Variants in MYO3A observed in about 807,000 individuals in gnomAD.
MYO3A encodes myosin-IIIa.
MYO3A carries 180 observed loss-of-function variants against 192.7 expected under a neutral mutation model. The ratio of observed to expected loss-of-function variants is 0.93; its 90% CI spans 0.83 to 1.06. The LOEUF is 1.06. MYO3A is among the 50% of genes least tolerant of loss of function. MYO3A has a pLI of 0.00. For missense variants in MYO3A, 1,896 were observed against 1,905.0 expected, an observed-to-expected ratio of 1.00 and a Z score of 0.09; for synonymous variants, 628 against 645.3, an observed-to-expected ratio of 0.97 and a Z score of 0.41.
At chr10:26,084,691 A>G (rs72793218) in intron 14 of MYO3A, among the ~76,000 whole-genome samples, 15,664 of 152,116 alleles carry the variant, frequency 0.1, 872 homozygotes, top group Non-Finnish European at 0.12. Flanking sequence ...CGTTGTACAG[A>G]TGAGGTCTCA....
At chr10:26,202,601 G>A (rs1843725119) in intron 33 of MYO3A, 1 of 268,328 alleles carries the variant, frequency 3.7e-6, no homozygotes, top group Non-Finnish European at 7.2e-6. Context: ...GTACACAAAG[G>A]TGAGCTTTTC....
intron 7 of MYO3A, among the ~76,000 whole-genome samples, chr10:26,018,379 C>G (rs1842095398): frequency 6.6e-6 from 1 of 151,916 alleles, no homozygotes; most frequent in African/African-American, 2.4e-5. Context: ...TCTAGTTAAT[C>G]AAGATATTCC....
At chr10:26,049,308 A>G (rs1023438948) in intron 10 of MYO3A, among the ~76,000 whole-genome samples, 1 of 152,212 alleles carries the variant, frequency 6.6e-6, no homozygotes, top group Non-Finnish European at 1.5e-5. Context: ...TTAACCAGGC[A>G]GTCCTAGCCA....
chr10:26,046,106 T>C (rs1034611379), intron 10 of MYO3A, among the ~76,000 whole-genome samples: 1 of 152,126 alleles, frequency 6.6e-6, no homozygotes, highest in South Asian at 2.1e-4. Context: ...AGCAACTTAA[T>C]CAAACCCAAG....
At chr10:25,954,756 G>A in intron 3 of MYO3A, 118 bp from the exon 4 acceptor site, 6 of 1,107,964 alleles carry the variant, frequency 5.4e-6, no homozygotes, top group Non-Finnish European at 8.1e-6. Flanking sequence ...ACTAAGCACA[G>A]TAAAAACTAT....
intron 17 of MYO3A, among the ~76,000 whole-genome samples, chr10:26,108,893 G>A (rs1287993622): frequency 6.6e-6 from 1 of 152,128 alleles, no homozygotes. Context: ...TTTTATTTTG[G>A]TTGGAAACTA....
chr10:26,202,278 TA>T (rs1330812568), intron 33 of MYO3A, among the ~76,000 whole-genome samples: 1 of 152,216 alleles, frequency 6.6e-6, no homozygotes, highest in East Asian at 1.9e-4. Flanking sequence ...TTAGTATCTG[TA>T]ATTTGAAAAG....
intron 34 of MYO3A, among the ~76,000 whole-genome samples, chr10:26,210,162 G>A (rs903999172): frequency 6.6e-6 from 1 of 151,306 alleles, no homozygotes; most frequent in Non-Finnish European, 1.5e-5. Context: ...AAGGAAGGAA[G>A]GAAGGGAGGG....
chr10:26,028,484 C>T (rs1842661579), intron 10 of MYO3A, among the ~76,000 whole-genome samples: 1 of 152,302 alleles, frequency 6.6e-6, no homozygotes, highest in East Asian at 1.9e-4. Context: ...AGGAGATAAT[C>T]ATGGGTCATC....
chr10:26,201,335 C>T (rs1306415237), intron 33 of MYO3A, 30 bp downstream of exon 33: 2 of 1,489,998 alleles, frequency 1.3e-6, no homozygotes, highest in East Asian at 2.3e-5. Context: ...TTCAATCAGT[C>T]ATCTTATTCA....
chr10:25,998,879 CT>C (rs1165903996), intron 6 of MYO3A, among the ~76,000 whole-genome samples: 1 of 151,902 alleles, frequency 6.6e-6, no homozygotes, highest in Non-Finnish European at 1.5e-5. Flanking sequence ...ATAAGGCAAC[CT>C]TTTATATATT....
At chr10:26,176,342 C>T (rs1842333040) in intron 30 of MYO3A, among the ~76,000 whole-genome samples, 1 of 151,750 alleles carries the variant, frequency 6.6e-6, no homozygotes, top group Admixed American at 6.6e-5. Context: ...TTTACACAAT[C>T]AAAGGCAGCA....
Position 26,212,174 on chromosome 10 carries a change from C to CA in MYO3A, c.*211_*212insA. On this transcript the variant is annotated 3_prime_UTR_variant, in exon 35 of 35. Coordinates refer to ENST00000642920, the MANE Select transcript of MYO3A (RefSeq NM_017433.5). Reference sequence around the variant, plus strand: ...CTGGGAGCCCTCGGGAAACCTCCCCCGACGCTCTCTCTCGGAACTCCCGCA... The same window carrying CA: ...CTGGGAGCCCTCGGGAAACCTCCCCCAGACGCTCTCTCTCGGAACTCCCGCA... 1.5e-6 allele frequency: 1 copy of CA among 659,004 alleles called. No individual in the cohort carries two copies. The highest frequency in any genetic ancestry group is 2.4e-6 in the Non-Finnish European group (1 of 410,520). 40.8% of individuals were successfully genotyped at this position (659,004 alleles called of 1,614,324 possible). A position where few individuals can be genotyped will look rare whatever the true frequency, so the allele number is the denominator to read the frequency against.
In MYO3A at chr10:26,171,465, G is replaced by A. The variant is rs115502457; in HGVS notation, c.3398+926G>A. On this transcript the variant is annotated intron_variant, in intron 29 of 34. Coordinates refer to ENST00000642920, the MANE Select transcript of MYO3A (RefSeq NM_017433.5). ...TGGTCTCACAGATGATCTCATAGAT[G>A]ACTTCTCTGCCACCTCTTCCCCTCA... Among the ~76,000 whole-genome samples the A allele has an allele frequency of 7.0e-3, 1,063 of 152,262 alleles. 17 individuals are homozygous for A. Among genetic ancestry groups the A allele is most frequent in the African/African-American group, 0.024 (996 of 41,560 alleles).
intron 7 of MYO3A, among the ~76,000 whole-genome samples, chr10:26,020,400 G>A (rs565637376): frequency 6.6e-6 from 1 of 152,272 alleles, no homozygotes; most frequent in South Asian, 2.1e-4. Flanking sequence ...GGATGACATG[G>A]GTGTAAATCT....
intron 10 of MYO3A, among the ~76,000 whole-genome samples, chr10:26,042,197 A>G (rs1843389845): frequency 6.6e-6 from 1 of 152,004 alleles, no homozygotes; most frequent in Admixed American, 6.5e-5. Flanking sequence ...AATGTATTGG[A>G]GCTCCCTTTT....
chr10:26,168,602 A>T lies in MYO3A; in HGVS notation c.3112-110A>T, dbSNP rs1433745891. 1.9e-5 allele frequency: 22 copies of T among 1,152,936 alleles called. No homozygotes were observed. In the East Asian group the frequency reaches 4.8e-4, roughly 25 times the overall value. The allele number at this position is 1,152,936 out of a possible 1,614,324, so 71.4% of individuals were successfully genotyped here. On this transcript the variant is annotated intron_variant, in intron 27 of 34. Transcript: ENST00000642920. The stretch of plus-strand genomic sequence containing the variant: ...TAGGGCAAAGAAGCAAAAGACAGTG[A>T]TTTCCAAAATCTCAAGCAATTTAGA...
At chr10:26,164,397 G>A (rs1460839556) in intron 26 of MYO3A, among the ~76,000 whole-genome samples, 3 of 152,106 alleles carry the variant, frequency 2.0e-5, no homozygotes, top group Non-Finnish European at 1.5e-5. Flanking sequence ...AAGGAGGAGG[G>A]AAAATTGATA....
intron 20 of MYO3A, among the ~76,000 whole-genome samples, chr10:26,130,480 G>A (rs1027900732): frequency 6.6e-6 from 1 of 152,074 alleles, no homozygotes; most frequent in Non-Finnish European, 1.5e-5. Context: ...TTTTGTCTAA[G>A]GGCTTGTTAC....
Sources: gnomAD v4.1 joint callset for allele counts (sites outside exome capture counted in the v4.1 genomes callset) on GRCh38, gnomAD v4.1.1 for gene constraint, MANE v1.5 for transcripts, NCBI Gene and HGNC (gene_info 2026-07-23, HGNC 2026-07-21) for gene names.